Variants in COL15A1 observed in about 807,000 individuals in gnomAD.
COL15A1 encodes collagen type XV alpha 1 chain.
A neutral mutation model predicts 165.9 loss-of-function variants in COL15A1; 111 were observed. The observed-to-expected ratio is 0.67, with a 90% CI of 0.57 to 0.78. The LOEUF (loss-of-function observed/expected upper bound fraction) is 0.78. Among genes scored for constraint, COL15A1 ranks in the 30% least tolerant of loss-of-function variants. The pLI, the probability that COL15A1 is intolerant of heterozygous loss-of-function variation, is 0.00. For synonymous variants in COL15A1, 659 were observed against 674.8 expected (o/e 0.98, Z 0.36); for missense variants, 1,745 against 1,789.7 (o/e 0.98, Z 0.45).
In COL15A1 at chr9:99,054,630, G is replaced by T. The variant is rs533534659; in HGVS notation, c.3005G>T (p.Gly1002Val). ...WGLPGSKGEK[G>V]DQGAQGPPGP... is the part of the protein sequence containing the mutation. ...CTTCCTGGCTCAAAGGGAGAAAAAG[G>T]CGACCAGGGAGCCCAGGGACCACCA... is the stretch of plus-strand genomic sequence containing the variant. The change falls in exon 32 of 42, where the codon GGC becomes GTC. Residue 1002 changes from glycine (G) to valine (V), a missense_variant. Coordinates refer to ENST00000375001, the MANE Select transcript of COL15A1 (RefSeq NM_001855.5). 1 of 1,613,186 alleles carries T rather than the reference G, an allele frequency of 6.2e-7. No homozygotes were observed. The highest frequency in any genetic ancestry group is 8.5e-7 in the Non-Finnish European group (1 of 1,179,678).
chr9:99,004,934 G>A lies in COL15A1; in HGVS notation c.1237G>A (p.Ala413Thr), dbSNP rs771700078. ...DNEERLAATAAGEAEALASMP... is the reference protein window; with the variant it reads ...DNEERLAATATGEAEALASMP... ...TGAAGAGCGTTTAGCAGCAACAGCA[G>A]CAGGGGAGGCCGAGGCACTCGCCAG... Residue 413 changes from alanine (A) to threonine (T), a missense_variant, in exon 9 of 42, where the codon GCA (alanine) becomes ACA (threonine). Ala to Thr is a moderately conservative substitution (Grantham distance 58). Transcript: ENST00000375001. The A allele has an allele frequency of 1.7e-5, 28 of 1,614,002 alleles. No individual in the cohort carries two copies. The highest frequency in any genetic ancestry group is 3.3e-4 in the Middle Eastern group (2 of 6,080).
At chr9:99,057,805 G>A (rs1254345991) in intron 35 of COL15A1, among the ~76,000 whole-genome samples, 4 of 152,158 alleles carry the variant, frequency 2.6e-5, no homozygotes, top group African/African-American at 9.7e-5. Context: ...CAGGTATGGT[G>A]GAAGCATACC....
chr9:99,012,927 TGGTCTC>T (rs1170299179), intron 9 of COL15A1, among the ~76,000 whole-genome samples: 1 of 152,152 alleles, frequency 6.6e-6, no homozygotes, highest in Non-Finnish European at 1.5e-5. Context: ...TTGGCCAGGC[TGGTCTC>T]GAACTCCTGA....
At chr9:98,953,832 C>A (rs1837730577) in intron 2 of COL15A1, among the ~76,000 whole-genome samples, 1 of 152,246 alleles carries the variant, frequency 6.6e-6, no homozygotes, top group Non-Finnish European at 1.5e-5. Context: ...CTCCTCCCAT[C>A]TAGGCAGTCT....
chr9:99,058,713 C>T (rs568817181), intron 35 of COL15A1, among the ~76,000 whole-genome samples: 5 of 152,294 alleles, frequency 3.3e-5, no homozygotes, highest in East Asian at 1.9e-4. Flanking sequence ...ATTCATCTCA[C>T]GGATGAAGAC....
chr9:98,944,789 G>C (rs1305023084), intron 2 of COL15A1, among the ~76,000 whole-genome samples: 2 of 152,244 alleles, frequency 1.3e-5, no homozygotes, highest in East Asian at 3.8e-4. Flanking sequence ...CTCCACCGGT[G>C]GTGGAAAGAG....
intron 31 of COL15A1, among the ~76,000 whole-genome samples, chr9:99,053,541 A>G (rs969385794): frequency 6.6e-6 from 1 of 152,174 alleles, no homozygotes; most frequent in Non-Finnish European, 1.5e-5. Context: ...CATCCTGCTT[A>G]CTGTGTGCAG....
chr9:99,007,692 G>A (rs1408122280), intron 9 of COL15A1, among the ~76,000 whole-genome samples: 3 of 152,240 alleles, frequency 2.0e-5, no homozygotes, highest in African/African-American at 7.2e-5. Flanking sequence ...AGGTATGAAA[G>A]TGGCTTATTA....
intron 24 of COL15A1, among the ~76,000 whole-genome samples, chr9:99,042,993 G>T (rs1839436304): frequency 6.6e-6 from 1 of 152,196 alleles, no homozygotes; most frequent in African/African-American, 2.4e-5. Flanking sequence ...ATAAGATGAG[G>T]AAGAGATATG....
chr9:98,969,115 G>A lies in COL15A1; in HGVS notation c.101-16450G>A, dbSNP rs375516655. ...ATCCTCACTGCAGTCTCATGAGAAA[G>A]ATTGTATCACCCTATTTTGCAGAAG... On this transcript the variant is annotated intron_variant, in intron 2 of 41. Coordinates refer to ENST00000375001, the MANE Select transcript of COL15A1 (RefSeq NM_001855.5). Among the ~76,000 whole-genome samples the A allele has an allele frequency of 9.2e-5, 14 of 152,318 alleles. No homozygotes were observed. The East Asian group carries it at 1.2e-3, about 13-fold the overall frequency.
chr9:98,964,021 T>G (rs1258768809), intron 2 of COL15A1, among the ~76,000 whole-genome samples: 3 of 152,344 alleles, frequency 2.0e-5, no homozygotes, highest in South Asian at 2.1e-4. Context: ...TTGCCACCTC[T>G]ATTTCCAGAT....
At chr9:99,006,426 G>A (rs1008107297) in intron 9 of COL15A1, among the ~76,000 whole-genome samples, 2 of 152,192 alleles carry the variant, frequency 1.3e-5, no homozygotes, top group Non-Finnish European at 2.9e-5. Context: ...CAACAACGCC[G>A]GCCTTTGATG....
chr9:98,979,756 A>G (rs750483576), intron 2 of COL15A1, among the ~76,000 whole-genome samples: 1 of 152,174 alleles, frequency 6.6e-6, no homozygotes, highest in East Asian at 1.9e-4. Flanking sequence ...TCTGTTTTAA[A>G]GCAAGTTGTA....
chr9:98,976,534 G>A (rs1331556119), intron 2 of COL15A1, among the ~76,000 whole-genome samples: 1 of 152,222 alleles, frequency 6.6e-6, no homozygotes, highest in African/African-American at 2.4e-5. Flanking sequence ...GTGGAGATGG[G>A]AGGGAACGTG....
At chr9:99,000,790 C>A in intron 6 of COL15A1, 49 bp from the exon 7 acceptor site, 1 of 903,624 alleles carries the variant, frequency 1.1e-6, no homozygotes, top group Non-Finnish European at 1.9e-6. Flanking sequence ...CATTCTTTTC[C>A]AAGACTGCAA....
intron 35 of COL15A1, 66 bp from the exon 36 acceptor site, chr9:99,059,823 G>T (rs75154668): frequency 0.03 from 47,784 of 1,579,770 alleles, 846 homozygotes; most frequent in Non-Finnish European, 0.036. Flanking sequence ...CCGGGAGTCA[G>T]CTGATACCTC....
At chr9:99,016,436 G>A (rs987231525) in intron 11 of COL15A1, among the ~76,000 whole-genome samples, 19 of 152,212 alleles carry the variant, frequency 1.2e-4, no homozygotes, top group Non-Finnish European at 2.2e-4. Context: ...GTCTGTAGAG[G>A]GGATGAGAGC....
intron 36 of COL15A1, among the ~76,000 whole-genome samples, chr9:99,060,672 G>A (rs911143957): frequency 9.2e-5 from 14 of 152,098 alleles, no homozygotes; most frequent in Non-Finnish European, 2.1e-4. Flanking sequence ...AATCACTTGA[G>A]TCTAGGAGTT....
At chr9:99,068,735 G>A (rs1024675746) in intron 41 of COL15A1, 65 bp downstream of exon 41, 1 of 931,612 alleles carries the variant, frequency 1.1e-6, no homozygotes. Context: ...TCCTAACAAT[G>A]GGATGCCTTT....
Sources: allele counts gnomAD v4.1 joint callset (sites outside exome capture counted in the v4.1 genomes callset), GRCh38; gene constraint gnomAD v4.1.1; transcripts MANE v1.5; gene names NCBI Gene and HGNC (gene_info 2026-07-23, HGNC 2026-07-21).